DAB1: variants seen among roughly 807,000 people sequenced by gnomAD.
The protein encoded by DAB1 is disabled homolog 1.
In DAB1, 15 loss-of-function variants were observed where a neutral mutation model predicts 64.6. That is an observed-to-expected ratio of 0.23 (90% CI 0.16 to 0.36). The LOEUF (loss-of-function observed/expected upper bound fraction) is 0.36. Ranked by LOEUF, DAB1 falls within the 10% of genes least tolerant of loss-of-function variation. The probability of loss-of-function intolerance (pLI) is 1.00; values close to 1 mark genes in which losing one functional copy is unlikely to be tolerated. For missense variants in DAB1, 596 were observed against 706.7 expected (o/e 0.84, Z 1.78); for synonymous variants, 235 against 251.9 (o/e 0.93, Z 0.64).
At chr1:57,071,671 A>G in intron 5 of DAB1, 30 bp from the exon 6 acceptor site, 2 of 1,608,792 alleles carry the variant, frequency 1.2e-6, no homozygotes, top group Non-Finnish European at 1.7e-6. Flanking sequence ...GGCACATCAT[A>G]AGGGAATGGT....
intron 3 of DAB1, among the ~76,000 whole-genome samples, chr1:58,347,858 C>T (rs1644016648): frequency 6.6e-6 from 1 of 152,182 alleles, no homozygotes; most frequent in African/African-American, 2.4e-5. Context: ...GCTTCTCCTC[C>T]AGGTTCTAGC....
rs1004173348 is a variant in DAB1 at position 58,219,031 on chromosome 1, G to C, written n.310-68443C>G. 4.3e-3 allele frequency among the ~76,000 whole-genome samples: 487 copies of C among 111,984 alleles called. 2 individuals carry two copies. Among genetic ancestry groups the C allele is most frequent in the Non-Finnish European group, 5.8e-3 (323 of 55,600 alleles). 73.5% of individuals were successfully genotyped at this position (111,984 alleles called of 152,430 possible). A position where few individuals can be genotyped will look rare whatever the true frequency, so the allele number is the denominator to read the frequency against. Reference sequence around the variant, plus strand: ...TCTCTCTCTCTCTCTCTCTCTGTGTGTGTGTGTGTGTGTTTCAATTTAAAA... The same window carrying C: ...TCTCTCTCTCTCTCTCTCTCTGTGTCTGTGTGTGTGTGTTTCAATTTAAAA... On this transcript the variant is annotated intron_variant and non_coding_transcript_variant, in intron 4 of 20. Transcript: ENST00000485760.
chr1:58,125,906 T>C (rs1246705960), intron 5 of DAB1, among the ~76,000 whole-genome samples: 1 of 151,570 alleles, frequency 6.6e-6, no homozygotes, highest in African/African-American at 2.4e-5. Context: ...TGCTTTGGGG[T>C]GGAGGGGGTC....
At position 57,924,626 on chromosome 1, in the gene DAB1, A is replaced by AATTT. The variant is rs1553143934; in HGVS notation, n.388-40465_388-40464insAAAT. On this transcript the variant is annotated intron_variant and non_coding_transcript_variant, in intron 5 of 20. Coordinates refer to the DAB1 transcript ENST00000485760. ...AGGCACCCACCACCACACTTGGCTA[A>AATTT]TTTTTTTTTTTTTTTTTTTTTTAGT... 1.3e-4 allele frequency among the ~76,000 whole-genome samples: 17 copies of AATTT among 131,790 alleles called. 2 individuals carry two copies. Among genetic ancestry groups the AATTT allele is most frequent in the South Asian group, 2.5e-4 (1 of 3,952 alleles). 86.5% of individuals were successfully genotyped at this position (131,790 alleles called of 152,430 possible). A position where few individuals can be genotyped will look rare whatever the true frequency, so the allele number is the denominator to read the frequency against.
chr1:57,642,076 A>G (rs1201716586), intron 7 of DAB1, among the ~76,000 whole-genome samples: 1 of 152,032 alleles, frequency 6.6e-6, no homozygotes, highest in East Asian at 1.9e-4. Flanking sequence ...ATTTATTATC[A>G]TTAGCATATG....
intron 1 of DAB1, among the ~76,000 whole-genome samples, chr1:57,349,727 CAT>C (rs1216944009): frequency 6.6e-6 from 1 of 152,152 alleles, no homozygotes; most frequent in Non-Finnish European, 1.5e-5. Context: ...ATTAGGTACA[CAT>C]GACAGTGAGA....
intron 2 of DAB1, among the ~76,000 whole-genome samples, chr1:57,260,322 T>C (rs964524520): frequency 2.0e-5 from 3 of 152,146 alleles, no homozygotes; most frequent in Non-Finnish European, 4.4e-5. Flanking sequence ...GCTTACTGAG[T>C]GTCAGGCAGT....
chr1:58,016,520 T>C (rs1423985183), intron 5 of DAB1, among the ~76,000 whole-genome samples: 2 of 152,192 alleles, frequency 1.3e-5, no homozygotes, highest in African/African-American at 4.8e-5. Flanking sequence ...CAAATCCTCC[T>C]TGATGTCCCA....
At chr1:57,399,767 C>G (rs1046991736) in intron 1 of DAB1, among the ~76,000 whole-genome samples, 2 of 152,174 alleles carry the variant, frequency 1.3e-5, no homozygotes, top group African/African-American at 2.4e-5. Flanking sequence ...GTTGCTTTCC[C>G]ATGGAAGCTG....
intron 5 of DAB1, among the ~76,000 whole-genome samples, chr1:57,955,922 G>T (rs189924358): frequency 6.6e-6 from 1 of 152,282 alleles, no homozygotes; most frequent in East Asian, 1.9e-4. Flanking sequence ...AAATGCACAA[G>T]GTTTGGTGGG....
chr1:57,937,262 T>C (rs918318604), intron 5 of DAB1, among the ~76,000 whole-genome samples: 3 of 152,074 alleles, frequency 2.0e-5, no homozygotes, highest in African/African-American at 7.2e-5. Context: ...TCCTAAGTGT[T>C]TGCTGGGGAT....
chr1:57,473,953 T>C (rs1643901247), intron 7 of DAB1, among the ~76,000 whole-genome samples: 1 of 152,140 alleles, frequency 6.6e-6, no homozygotes, highest in Admixed American at 6.5e-5. Flanking sequence ...GAAATGAAAA[T>C]GTGTTACCAG....
intron 3 of DAB1, among the ~76,000 whole-genome samples, chr1:58,474,491 G>C (rs749161558): frequency 2.6e-4 from 39 of 152,134 alleles, no homozygotes; most frequent in Non-Finnish European, 4.9e-4. Flanking sequence ...GTCAAAGCTG[G>C]TGGCCCATGT....
intron 7 of DAB1, among the ~76,000 whole-genome samples, chr1:57,477,533 C>T (rs1051773954): frequency 1.3e-5 from 2 of 152,084 alleles, no homozygotes; most frequent in African/African-American, 4.8e-5. Flanking sequence ...TCAGATATCA[C>T]TTGATTATGC....
chr1:58,021,816 A>G (rs1169146434), intron 5 of DAB1, among the ~76,000 whole-genome samples: 1 of 152,224 alleles, frequency 6.6e-6, no homozygotes, highest in Non-Finnish European at 1.5e-5. Context: ...GCAACCGGGA[A>G]TGATCTGGAT....
At chr1:57,029,217 G>T (rs1368473112) in intron 9 of DAB1, among the ~76,000 whole-genome samples, 1 of 152,174 alleles carries the variant, frequency 6.6e-6, no homozygotes, top group Non-Finnish European at 1.5e-5. Flanking sequence ...GGCTTCTGAG[G>T]GTAGAAGCCC....
rs2100217911 is a variant in DAB1, at chr1:58,419,203, TC to T, written n.258-75801del. Among the ~76,000 whole-genome samples, 4 of 152,314 alleles carry T rather than the reference TC, an allele frequency of 2.6e-5. No individual in the cohort carries two copies. The Middle Eastern group carries it at 0.014, about 518-fold the overall frequency. ...CATCTCCTCCAACCTCCCCATGAGT[TC>T]CTTGTACTTGGAGTAAGATACATCT... On this transcript the variant is annotated intron_variant and non_coding_transcript_variant, in intron 3 of 20. Coordinates refer to the DAB1 transcript ENST00000485760.
chr1:57,998,177 T>C (rs1239339354), intron 5 of DAB1, among the ~76,000 whole-genome samples: 1 of 152,160 alleles, frequency 6.6e-6, no homozygotes, highest in African/African-American at 2.4e-5. Flanking sequence ...TATAGGACAG[T>C]GTAGGCCCTG....
At chr1:57,060,966 G>A (rs1650324583) in intron 9 of DAB1, among the ~76,000 whole-genome samples, 1 of 152,054 alleles carries the variant, frequency 6.6e-6, no homozygotes, top group East Asian at 1.9e-4. Flanking sequence ...TTAGGGGCAA[G>A]TGTGGCAATT....
Sources: allele counts gnomAD v4.1 joint callset (sites outside exome capture counted in the v4.1 genomes callset), GRCh38; gene constraint gnomAD v4.1.1; transcripts MANE v1.5; gene names NCBI Gene and HGNC (gene_info 2026-07-23, HGNC 2026-07-21).